Variants in DLC1 observed in about 807,000 individuals in gnomAD.
The protein encoded by DLC1 is DLC1 Rho GTPase activating protein, also known as rho GTPase-activating protein 7.
DLC1 carries 54 observed loss-of-function variants against 140.3 expected under a neutral mutation model. The ratio of observed to expected loss-of-function variants is 0.38; its 90% CI spans 0.31 to 0.48. The LOEUF (loss-of-function observed/expected upper bound fraction) is 0.48, where lower values mean the gene tolerates loss of function less well. Ranked by LOEUF, DLC1 falls within the 20% of genes least tolerant of loss-of-function variation. The pLI is 0.96. For missense variants in DLC1, 2,536 were observed against 1,907.0 expected (o/e 1.33, Z -6.14); for synonymous variants, 986 against 728.1 (o/e 1.35, Z -5.70).
At chr8:13,460,036 C>T (rs1430281660) in intron 2 of DLC1, among the ~76,000 whole-genome samples, 2 of 152,174 alleles carry the variant, frequency 1.3e-5, no homozygotes, top group African/African-American at 2.4e-5. Context: ...CCCTCTGAAA[C>T]TTCCCCAAGT....
chr8:13,419,141 A>G (rs1240498955), intron 2 of DLC1, among the ~76,000 whole-genome samples: 1 of 152,178 alleles, frequency 6.6e-6, no homozygotes, highest in Non-Finnish European at 1.5e-5. Flanking sequence ...TTCTAGATAT[A>G]CAATCATGTG....
chr8:13,523,805 C>A (rs761150748), intron 1 of DLC1, among the ~76,000 whole-genome samples: 1 of 151,502 alleles, frequency 6.6e-6, no homozygotes, highest in Non-Finnish European at 1.5e-5. Flanking sequence ...CCGTGAGATG[C>A]TTTTATTAGG....
At chr8:13,411,117 G>C (rs970519510) in intron 2 of DLC1, among the ~76,000 whole-genome samples, 3 of 152,152 alleles carry the variant, frequency 2.0e-5, no homozygotes, top group African/African-American at 7.2e-5. Context: ...CCTGCATACA[G>C]ATGTTTATAG....
intron 4 of DLC1, among the ~76,000 whole-genome samples, chr8:13,379,912 G>A (rs1029423152): frequency 9.9e-5 from 15 of 152,140 alleles, no homozygotes; most frequent in African/African-American, 2.4e-4. Flanking sequence ...ACGAAACACC[G>A]CATGTTCTCA....
At chr8:13,586,485 G>C (rs904278725) in intron 1 of DLC1, among the ~76,000 whole-genome samples, 7 of 151,950 alleles carry the variant, frequency 4.6e-5, no homozygotes, top group African/African-American at 1.7e-4. Flanking sequence ...TTCTCATGGG[G>C]GAGAGCATAG....
chr8:13,302,711 C>CAAA (rs376892685), intron 5 of DLC1, among the ~76,000 whole-genome samples: 1,379 of 122,464 alleles, frequency 0.011, 14 homozygotes, highest in South Asian at 0.035. Context: ...TAGAAAGATA[C>CAAA]AAAAAAAAAA....
At position 13,124,598 on chromosome 8, in the gene DLC1, A is replaced by C. The variant is rs1339195226; in HGVS notation, c.1349-8941T>G. Among the ~76,000 whole-genome samples, 2 of 152,250 alleles carry C rather than the reference A, an allele frequency of 1.3e-5. 1 individual carries two copies. The highest frequency in any genetic ancestry group is 3.8e-4 in the East Asian group (2 of 5,202). On this transcript the variant is annotated intron_variant, in intron 5 of 17. Transcript: ENST00000276297. ...TCTGATACTCTATCACAGAGGACAA[A>C]GCATTACTGTAACAAGTCAGGAAAA...
chr8:13,401,380 T>C (rs1292962188), intron 3 of DLC1, 90 bp downstream of exon 3: 13 of 1,497,880 alleles, frequency 8.7e-6, no homozygotes, highest in Non-Finnish European at 1.2e-5. Context: ...TTAGATGCCA[T>C]TAACAAGGAT....
At chr8:13,397,017 C>T (rs918903594) in intron 3 of DLC1, among the ~76,000 whole-genome samples, 4 of 149,198 alleles carry the variant, frequency 2.7e-5, no homozygotes, top group Admixed American at 1.3e-4. Flanking sequence ...ATCAGTGTTA[C>T]CCTATGCCTC....
chr8:13,156,560 G>A (rs1017176639), intron 5 of DLC1, among the ~76,000 whole-genome samples: 2 of 152,144 alleles, frequency 1.3e-5, no homozygotes, highest in Admixed American at 6.5e-5. Flanking sequence ...AGTCATTGGC[G>A]GGCTGCGCAT....
At chr8:13,345,837 G>A (rs570048954) in intron 4 of DLC1, among the ~76,000 whole-genome samples, 156 of 152,218 alleles carry the variant, frequency 1.0e-3, no homozygotes, top group Non-Finnish European at 1.4e-3. Flanking sequence ...GAGATTACAG[G>A]CATCAGCCGC....
intron 6 of DLC1, among the ~76,000 whole-genome samples, chr8:13,114,507 A>T (rs1477404454): frequency 1.3e-5 from 2 of 152,224 alleles, no homozygotes; most frequent in Non-Finnish European, 2.9e-5. Context: ...GATGTTAAGA[A>T]TTCAGCACAG....
chr8:13,293,653 A>G (rs1170910797), intron 5 of DLC1, among the ~76,000 whole-genome samples: 5 of 152,252 alleles, frequency 3.3e-5, no homozygotes, highest in Non-Finnish European at 7.3e-5. Context: ...CTGATATAGC[A>G]TAAAATTCAA....
At chr8:13,143,139 G>A in intron 5 of DLC1, among the ~76,000 whole-genome samples, 1 of 151,428 alleles carries the variant, frequency 6.6e-6, no homozygotes, top group Non-Finnish European at 1.5e-5. Context: ...ATCATGTATA[G>A]ATATCTGTAT....
chr8:13,088,996 T>C (rs572542412), intron 15 of DLC1, among the ~76,000 whole-genome samples: 16 of 152,222 alleles, frequency 1.1e-4, no homozygotes, highest in Admixed American at 9.8e-4. Flanking sequence ...CAGTGGCTCA[T>C]TCCTGTAATC....
At chr8:13,352,414 G>T (rs1834718625) in intron 4 of DLC1, among the ~76,000 whole-genome samples, 1 of 152,072 alleles carries the variant, frequency 6.6e-6, no homozygotes, top group Non-Finnish European at 1.5e-5. Context: ...ACAGGGTCTT[G>T]CTCTGTCACT....
At chr8:13,314,014 T>G (rs1008234157) in intron 4 of DLC1, among the ~76,000 whole-genome samples, 3 of 152,044 alleles carry the variant, frequency 2.0e-5, no homozygotes, top group African/African-American at 7.2e-5. Flanking sequence ...CCTGAGGGCA[T>G]AAGTGGAAGT....
At chr8:13,221,876 A>T (rs1461895344) in intron 5 of DLC1, among the ~76,000 whole-genome samples, 2 of 144,292 alleles carry the variant, frequency 1.4e-5, no homozygotes, top group Admixed American at 7.1e-5. Flanking sequence ...AAATATATTA[A>T]TACATTAATA....
intron 1 of DLC1, among the ~76,000 whole-genome samples, chr8:13,541,173 C>T (rs1341155115): frequency 6.6e-6 from 1 of 152,158 alleles, no homozygotes; most frequent in South Asian, 2.1e-4. Context: ...CACTGTGAGT[C>T]TACCACAACC....
Sources: allele counts gnomAD v4.1 joint callset (sites outside exome capture counted in the v4.1 genomes callset), GRCh38; gene constraint gnomAD v4.1.1; transcripts MANE v1.5; gene names NCBI Gene and HGNC (gene_info 2026-07-23, HGNC 2026-07-21).